The following LIFR variants were observed in gnomAD, a reference collection of about 807,000 sequenced individuals.
LIFR encodes the protein leukemia inhibitory factor receptor.
In LIFR, 84 loss-of-function variants were observed where a neutral mutation model predicts 122.2. The ratio of observed to expected loss-of-function variants is 0.69; its 90% CI spans 0.58 to 0.82. The LOEUF is 0.82. Among genes scored for constraint, LIFR ranks in the 40% least tolerant of loss-of-function variants. The pLI, the probability that LIFR is intolerant of heterozygous loss-of-function variation, is 0.00. For synonymous variants in LIFR, 422 were observed against 434.7 expected (o/e 0.97, Z 0.36); for missense variants, 1,294 against 1,311.6 (o/e 0.99, Z 0.21).
In LIFR at chr5:38,478,821, C is replaced by A. The variant is rs1014553345; in HGVS notation, c.*2774G>T. The stretch of plus-strand genomic sequence containing the variant: ...AGTTTGACAATTAGATTTTTCTAAC[C>A]AATGACTGGGCTTTCACTGAGGAAA... On this transcript the variant is annotated 3_prime_UTR_variant, in exon 20 of 20. Transcript: ENST00000453190. 1.4e-5 allele frequency: 3 copies of A among 222,074 alleles called. No individual in the cohort carries two copies. The highest frequency in any genetic ancestry group is 1.8e-5 in the Non-Finnish European group (2 of 110,830). 13.8% of individuals were successfully genotyped at this position (222,074 alleles called of 1,614,324 possible). A position where few individuals can be genotyped will look rare whatever the true frequency, so the allele number is the denominator to read the frequency against.
intron 5 of LIFR, among the ~76,000 whole-genome samples, chr5:38,514,573 T>G (rs1345210420): frequency 2.0e-5 from 3 of 152,374 alleles, no homozygotes; most frequent in East Asian, 3.9e-4. Flanking sequence ...CTTTTAAATT[T>G]TTAAATAATT....
In LIFR at chr5:38,517,856, C is replaced by CAAAAAAAA. The variant is rs572954936; in HGVS notation, c.561+5555_561+5562dup. Among the ~76,000 whole-genome samples the CAAAAAAAA allele has an allele frequency of 1.9e-3, 29 of 15,046 alleles. 4 individuals are homozygous for CAAAAAAAA. Among genetic ancestry groups the CAAAAAAAA allele is most frequent in the African/African-American group, 0.012 (26 of 2,252 alleles). The allele number at this position is 15,046 out of a possible 152,430, so 9.9% of individuals were successfully genotyped here. A position where few individuals can be genotyped will look rare whatever the true frequency, so the allele number is the denominator to read the frequency against. On this transcript the variant is annotated intron_variant, in intron 5 of 19. Coordinates refer to ENST00000453190, the MANE Select transcript of LIFR (RefSeq NM_001127671.2). ...TGTGCAACAGAGCAAGACACTGTCT[C>CAAAAAAAA]AAAAAAAAAAAAAAAAAAAAAAAAA...
At chr5:38,559,142 CAG>C (rs1439369950), upstream of LIFR, 1 of 152,222 alleles carries the variant, frequency 6.6e-6, no homozygotes, top group Non-Finnish European at 1.5e-5. Context: ...GTGAGCTTCA[CAG>C]AAGACCTGCC....
At chr5:38,577,429 A>G (rs1166049638) in intron 1 of LIFR, among the ~76,000 whole-genome samples, 11 of 152,132 alleles carry the variant, frequency 7.2e-5, no homozygotes, top group Non-Finnish European at 1.5e-4. Flanking sequence ...CCCCGGTGCC[A>G]GTCATCTGCC....
chr5:38,557,850 A>G (rs1221637454), upstream of LIFR: 6 of 152,196 alleles, frequency 3.9e-5, no homozygotes, highest in Non-Finnish European at 7.3e-5. Context: ...CCATGTGCGT[A>G]TTTTGAACAC....
rs1419165623 is a variant in LIFR at position 38,480,109 on chromosome 5, G to A, written c.*1486C>T. 9.0e-6 allele frequency: 2 copies of A among 222,722 alleles called. No individual in the cohort carries two copies. Among genetic ancestry groups the A allele is most frequent in the Non-Finnish European group, 1.7e-5 (2 of 114,782 alleles). 13.8% of individuals were successfully genotyped at this position (222,722 alleles called of 1,614,324 possible). ...GCAAATACATTACAGAATCTCAGAT[G>A]ATAAAAAACAAACAAACAACCAAAA... is the stretch of plus-strand genomic sequence containing the variant. On this transcript the variant is annotated 3_prime_UTR_variant, in exon 20 of 20. Transcript: ENST00000453190.
chr5:38,547,988 A>G (rs900963420), intron 1 of LIFR, among the ~76,000 whole-genome samples: 3 of 152,140 alleles, frequency 2.0e-5, no homozygotes, highest in Non-Finnish European at 4.4e-5. Flanking sequence ...CATCATATAT[A>G]TGGTCTGTTA....
At chr5:38,521,724 G>C (rs12055341) in intron 5 of LIFR, among the ~76,000 whole-genome samples, 1 of 151,982 alleles carries the variant, frequency 6.6e-6, no homozygotes, top group Admixed American at 6.5e-5. Flanking sequence ...TGGGTCTTGA[G>C]CAGTGCACTC....
intron 11 of LIFR, among the ~76,000 whole-genome samples, chr5:38,501,808 A>G (rs1745195374): frequency 6.6e-6 from 1 of 151,942 alleles, no homozygotes; most frequent in Non-Finnish European, 1.5e-5. Flanking sequence ...GGTTATTCGA[A>G]GATAGAATAT....
rs1745444298 is a variant in LIFR at position 38,505,827 on chromosome 5, T to A, written c.1291+78A>T. ...AAAGAAAATAATCAGCAAAAAGTAATCCCTATAAGCATTTTTCATTAAAGC... is the reference window on the plus strand; with the variant it reads ...AAAGAAAATAATCAGCAAAAAGTAAACCCTATAAGCATTTTTCATTAAAGC... On this transcript the variant is annotated intron_variant, in intron 9 of 19. Coordinates refer to ENST00000453190, the MANE Select transcript of LIFR (RefSeq NM_001127671.2). 3.8e-6 allele frequency: 3 copies of A among 784,384 alleles called. No homozygotes were observed. The South Asian group carries it at 7.9e-5, about 21-fold the overall frequency. 48.6% of individuals were successfully genotyped at this position (784,384 alleles called of 1,614,324 possible).
upstream of LIFR, chr5:38,558,133 T>G (rs887465845): frequency 6.6e-6 from 1 of 152,058 alleles, no homozygotes; most frequent in Non-Finnish European, 1.5e-5. Flanking sequence ...GAAAGTATTT[T>G]AATATATATT....
chr5:38,573,099 A>T (rs1280719692), intron 1 of LIFR, among the ~76,000 whole-genome samples: 1 of 152,244 alleles, frequency 6.6e-6, no homozygotes, highest in Non-Finnish European at 1.5e-5. Flanking sequence ...AGTCACACTA[A>T]TCAGCTCACA....
At chr5:38,506,417 A>C (rs993089570) in intron 8 of LIFR, 86 bp downstream of exon 8, 1 of 1,477,444 alleles carries the variant, frequency 6.8e-7, no homozygotes, top group African/African-American at 1.4e-5. Context: ...TGTAACATAA[A>C]TGATCTAGTG....
At chr5:38,501,332 G>A (rs935496160) in intron 11 of LIFR, among the ~76,000 whole-genome samples, 2 of 152,190 alleles carry the variant, frequency 1.3e-5, no homozygotes, top group Non-Finnish European at 1.5e-5. Context: ...TTCATGTGGA[G>A]AGGCAAAAAT....
intron 1 of LIFR, among the ~76,000 whole-genome samples, chr5:38,572,559 C>T (rs1296326122): frequency 6.6e-6 from 1 of 152,192 alleles, no homozygotes; most frequent in Non-Finnish European, 1.5e-5. Flanking sequence ...ATTTGTGCTA[C>T]CACCTGTTTA....
intron 5 of LIFR, 90 bp from the exon 6 acceptor site, chr5:38,512,054 C>T (rs1722623461): frequency 8.2e-7 from 1 of 1,216,172 alleles, no homozygotes; most frequent in South Asian, 1.3e-5. Context: ...AGATTCCATA[C>T]AATCATCAGC....
chr5:38,549,237 A>C (rs1010288236), intron 1 of LIFR, among the ~76,000 whole-genome samples: 1 of 143,394 alleles, frequency 7.0e-6, no homozygotes, highest in Non-Finnish European at 1.5e-5. Flanking sequence ...TTACTACATA[A>C]TATGTAGAAA....
Position 38,478,966 on chromosome 5 carries a change from A to G in LIFR, c.*2629T>C, listed in dbSNP as rs891808826. The G allele has an allele frequency of 8.7e-6, 2 of 230,572 alleles. No homozygotes were observed. Among genetic ancestry groups the G allele is most frequent in the South Asian group, 3.6e-4 (2 of 5,498 alleles). The allele number at this position is 230,572 out of a possible 1,614,324, so 14.3% of individuals were successfully genotyped here. A position where few individuals can be genotyped will look rare whatever the true frequency, so the allele number is the denominator to read the frequency against. On this transcript the variant is annotated 3_prime_UTR_variant, in exon 20 of 20. Transcript: ENST00000453190. The stretch of plus-strand genomic sequence containing the variant: ...GGAGAAGCCACGAATCTAACTGGAC[A>G]GAGCACAATCAGTATGAGACCACCT...
upstream of LIFR, among the ~76,000 whole-genome samples, chr5:38,599,609 A>C (rs573521124): frequency 6.6e-6 from 1 of 152,306 alleles, no homozygotes; most frequent in African/African-American, 2.4e-5. Context: ...GAAAGTGCCA[A>C]ATAATCTCCC....
Sources: allele counts gnomAD v4.1 joint callset (sites outside exome capture counted in the v4.1 genomes callset), GRCh38; gene constraint gnomAD v4.1.1; transcripts MANE v1.5; gene names NCBI Gene and HGNC (gene_info 2026-07-23, HGNC 2026-07-21).